Variants in WDR64 observed in about 807,000 individuals in gnomAD.
WDR64 encodes WD repeat domain 64.
A neutral mutation model predicts 139.3 loss-of-function variants in WDR64; 112 were observed. The ratio of observed to expected loss-of-function variants is 0.80; its 90% CI spans 0.69 to 0.94. WDR64 has a LOEUF of 0.94. WDR64 is among the 40% of genes least tolerant of loss of function. The pLI, the probability that WDR64 is intolerant of heterozygous loss-of-function variation, is 0.00. For missense variants in WDR64, 1,206 were observed against 1,293.1 expected (o/e 0.93, Z 1.03); for synonymous variants, 444 against 437.7 (o/e 1.01, Z -0.18).
chr1:241,687,698 A>G, intron 8 of WDR64, 103 bp downstream of exon 8: 1 of 1,198,234 alleles, frequency 8.3e-7, no homozygotes, highest in Non-Finnish European at 1.2e-6. Flanking sequence ...CTTTAAAAAA[A>G]TCGGACATTA....
chr1:241,708,700 TTTTG>T (rs1177797865), intron 8 of WDR64, among the ~76,000 whole-genome samples: 2 of 57,004 alleles, frequency 3.5e-5, no homozygotes, highest in Non-Finnish European at 7.8e-5. Context: ...TGGTTTTTTT[TTTTG>T]TTTTTTTGTT....
intron 13 of WDR64, among the ~76,000 whole-genome samples, chr1:241,748,044 T>C (rs1208887720): frequency 6.6e-6 from 1 of 152,188 alleles, no homozygotes; most frequent in Non-Finnish European, 1.5e-5. Flanking sequence ...GCCTCCCTCA[T>C]GGTGCAGATG....
rs548475936 is a variant in WDR64, at chr1:241,753,256, A to G, written c.1770+3534A>G. Among the ~76,000 whole-genome samples the G allele has an allele frequency of 5.3e-5, 8 of 152,346 alleles. No homozygotes were observed. In the South Asian group the frequency reaches 1.4e-3, roughly 28 times the overall value. On this transcript the variant is annotated intron_variant, in intron 14 of 27. Transcript: ENST00000437684. ...AACTGGCTGTCTTCACTCCTAGACC[A>G]ATATTCTCTCCACTTTTCCATAGCT...
chr1:241,793,597 C>T (rs1415423846), intron 25 of WDR64, among the ~76,000 whole-genome samples: 1 of 152,152 alleles, frequency 6.6e-6, no homozygotes, highest in African/African-American at 2.4e-5. Context: ...AAAAACTTTA[C>T]CTTTCTGTCC....
intron 21 of WDR64, among the ~76,000 whole-genome samples, chr1:241,779,691 G>C (rs1033537933): frequency 2.0e-5 from 3 of 152,024 alleles, no homozygotes; most frequent in Non-Finnish European, 4.4e-5. Flanking sequence ...TTAGCCGGGC[G>C]TGGTGGCAGG....
chr1:241,702,223 A>T (rs1667743807), intron 8 of WDR64, among the ~76,000 whole-genome samples: 1 of 152,202 alleles, frequency 6.6e-6, no homozygotes, highest in Non-Finnish European at 1.5e-5. Flanking sequence ...CCCAACTCAG[A>T]GGCAGATTAT....
chr1:241,718,318 G>A (rs1004543028), intron 9 of WDR64, among the ~76,000 whole-genome samples: 2 of 152,130 alleles, frequency 1.3e-5, no homozygotes, highest in Non-Finnish European at 2.9e-5. Flanking sequence ...TCTGAACTCC[G>A]TTTAGGGCAG....
chr1:241,728,660 G>A (rs78982654), intron 10 of WDR64, among the ~76,000 whole-genome samples: 7,757 of 152,202 alleles, frequency 0.051, 335 homozygotes, highest in East Asian at 0.24. Flanking sequence ...TTGAACAGAT[G>A]TGCCACATCT....
chr1:241,702,580 T>C (rs1667763115), intron 8 of WDR64, among the ~76,000 whole-genome samples: 3 of 152,066 alleles, frequency 2.0e-5, no homozygotes, highest in Admixed American at 1.3e-4. Flanking sequence ...TATCATAGAT[T>C]AGTTTGTGCA....
intron 25 of WDR64, among the ~76,000 whole-genome samples, chr1:241,791,478 G>C (rs1659213469): frequency 6.6e-6 from 1 of 152,114 alleles, no homozygotes; most frequent in Non-Finnish European, 1.5e-5. Context: ...ACCAGTCTAG[G>C]CAACATAGTG....
intron 15 of WDR64, among the ~76,000 whole-genome samples, chr1:241,757,745 G>A (rs1474479572): frequency 2.1e-5 from 3 of 142,626 alleles, no homozygotes; most frequent in African/African-American, 7.8e-5. Flanking sequence ...CAGCCCCCCA[G>A]AACGCTGGAA....
chr1:241,794,507 T>C (rs2148331828), intron 25 of WDR64, among the ~76,000 whole-genome samples: 1 of 138,360 alleles, frequency 7.2e-6, no homozygotes, highest in Non-Finnish European at 1.6e-5. Context: ...CTTTACTGTT[T>C]TTTTTTTTTT....
intron 3 of WDR64, among the ~76,000 whole-genome samples, chr1:241,672,504 T>C (rs185850043): frequency 3.4e-4 from 52 of 152,342 alleles, no homozygotes; most frequent in Admixed American, 2.0e-3. Context: ...AAGTCTACTA[T>C]GTAGGCCAGA....
chr1:241,666,148 A>T (rs1285234146), intron 2 of WDR64, among the ~76,000 whole-genome samples: 1 of 152,162 alleles, frequency 6.6e-6, no homozygotes, highest in Non-Finnish European at 1.5e-5. Flanking sequence ...TTAACACTCT[A>T]ATAGTCATAA....
At chr1:241,693,521 T>C (rs1185653828) in intron 8 of WDR64, among the ~76,000 whole-genome samples, 1 of 152,166 alleles carries the variant, frequency 6.6e-6, no homozygotes, top group Non-Finnish European at 1.5e-5. Context: ...ACAACACCAA[T>C]TGTGAACCCT....
At position 241,718,102 on chromosome 1, in the gene WDR64, G is replaced by A. The variant is rs200918438; in HGVS notation, c.1055-5195G>A. Among the ~76,000 whole-genome samples the A allele has an allele frequency of 2.6e-5, 4 of 152,114 alleles. No homozygotes were observed. In the East Asian group the frequency reaches 7.7e-4, roughly 29 times the overall value. ...ATCAAATATGATTCGCTCAAAATAC[G>A]TGTCCTTAACCACTTCATGAGTGAC... On this transcript the variant is annotated intron_variant, in intron 9 of 27. Transcript: ENST00000437684.
chr1:241,686,429 T>C (rs1426267228), intron 7 of WDR64, among the ~76,000 whole-genome samples: 2 of 152,216 alleles, frequency 1.3e-5, no homozygotes, highest in African/African-American at 4.8e-5. Flanking sequence ...TGTCATATTG[T>C]AGAACTTTCA....
intron 10 of WDR64, among the ~76,000 whole-genome samples, chr1:241,732,839 A>C (rs11801634): frequency 0.25 from 38,225 of 151,666 alleles, 5,074 homozygotes; most frequent in African/African-American, 0.33. Context: ...CCAAAAAAAC[A>C]AAAAAACAAA....
At chr1:241,721,060 C>T (rs1668590270) in intron 9 of WDR64, among the ~76,000 whole-genome samples, 1 of 152,102 alleles carries the variant, frequency 6.6e-6, no homozygotes, top group Admixed American at 6.6e-5. Flanking sequence ...GAATCCTTTC[C>T]CCATTGCTTG....
Sources: gnomAD v4.1 joint callset for allele counts (sites outside exome capture counted in the v4.1 genomes callset) on GRCh38, gnomAD v4.1.1 for gene constraint, MANE v1.5 for transcripts, NCBI Gene and HGNC (gene_info 2026-07-23, HGNC 2026-07-21) for gene names.